The following ATRIP variants were observed in gnomAD, a reference collection of about 807,000 sequenced individuals.
The protein encoded by ATRIP is ATR interacting protein.
In ATRIP, 44 loss-of-function variants were observed where a neutral mutation model predicts 78.1. That is an observed-to-expected ratio of 0.56 (90% CI 0.44 to 0.72). The LOEUF is 0.72. Ranked by LOEUF, ATRIP falls within the 30% of genes least tolerant of loss-of-function variation. ATRIP has a pLI of 0.00. For missense variants in ATRIP, 927 were observed against 980.2 expected (o/e 0.95, Z 0.72); for synonymous variants, 388 against 408.9 (o/e 0.95, Z 0.62).
intron 2 of ATRIP, chr3:48,450,588 G>GTT: frequency 1.0e-6 from 1 of 990,834 alleles, no homozygotes; most frequent in East Asian, 6.3e-5. Flanking sequence ...ATGTGACCCA[G>GTT]ATTTTTTTTT....
At chr3:48,461,113 G>A (rs1248370710) in intron 8 of ATRIP, among the ~76,000 whole-genome samples, 1 of 152,232 alleles carries the variant, frequency 6.6e-6, no homozygotes, top group Non-Finnish European at 1.5e-5. Context: ...CTGAACCTGA[G>A]ATGTGGGTAA....
chr3:48,447,378 C>T lies in ATRIP; in HGVS notation c.247+286C>T, dbSNP rs2039706530. Reference sequence around the variant, plus strand: ...TTGGTTCTTGGTTCTAAGCAGAGATCCTTGGAACACACCTACCACCACCAT... The same window carrying T: ...TTGGTTCTTGGTTCTAAGCAGAGATTCTTGGAACACACCTACCACCACCAT... On this transcript the variant is annotated intron_variant, in intron 1 of 12. Coordinates refer to ENST00000320211, the MANE Select transcript of ATRIP (RefSeq NM_130384.3). 8.2e-6 allele frequency: 9 copies of T among 1,094,838 alleles called. No homozygotes were observed. The South Asian group carries it at 3.2e-4, about 39-fold the overall frequency. The allele number at this position is 1,094,838 out of a possible 1,614,324, so 67.8% of individuals were successfully genotyped here.
At chr3:48,451,137 C>T (rs1379261001) in intron 2 of ATRIP, among the ~76,000 whole-genome samples, 5 of 151,434 alleles carry the variant, frequency 3.3e-5, no homozygotes, top group Non-Finnish European at 5.9e-5. Context: ...TGCAGTGAGC[C>T]GAGATCGTGC....
Position 48,466,819 on chromosome 3 carries a change from CCA to C in ATRIP, c.*1268_*1269del, listed in dbSNP as rs759104641. ...CCCCCCACCTCTCAGGGGCCACCTC[CCA>C]CAGTTCCTCCACCACCGCGTGTGGT... On this transcript the variant is annotated 3_prime_UTR_variant, in exon 13 of 13. Coordinates refer to ENST00000320211, the MANE Select transcript of ATRIP (RefSeq NM_130384.3). 2 of 1,614,016 alleles carry C rather than the reference CCA, an allele frequency of 1.2e-6. No homozygotes were observed. The highest frequency in any genetic ancestry group is 1.7e-6 in the Non-Finnish European group (2 of 1,180,038).
chr3:48,460,506 C>G lies in ATRIP; in HGVS notation c.1452C>G (p.His484Gln), dbSNP rs1266306012. ...TGACTGCACTTAGCATTCTTCAGCACCTGGTGTGCCACAGCGGAGCAGTCG... is the reference window on the plus strand; with the variant it reads ...TGACTGCACTTAGCATTCTTCAGCAGCTGGTGTGCCACAGCGGAGCAGTCG... The part of the protein sequence containing the change: ...FSVTALSILQ[H>Q]LVCHSGAVVS... Residue 484 changes from histidine (H) to glutamine (Q), a missense_variant, in exon 8 of 13, where the codon CAC becomes CAG. Physicochemically the swap from His to Gln is conservative, Grantham distance 24. Coordinates refer to ENST00000320211, the MANE Select transcript of ATRIP (RefSeq NM_130384.3). 6.2e-7 allele frequency: 1 copy of G among 1,612,968 alleles called. No homozygotes were observed. Among genetic ancestry groups the G allele is most frequent in the Non-Finnish European group, 8.5e-7 (1 of 1,179,332 alleles).
In ATRIP at chr3:48,466,686, A is replaced by G. The variant is rs758675401; in HGVS notation, c.*1132A>G. On this transcript the variant is annotated 3_prime_UTR_variant, in exon 13 of 13. Coordinates refer to ENST00000320211, the MANE Select transcript of ATRIP (RefSeq NM_130384.3). ...CTCGCAGGCCCTGCCCCCGGGGCCCATGCAGACCCTCATCTTTTTCGACAT... is the reference window on the plus strand; with the variant it reads ...CTCGCAGGCCCTGCCCCCGGGGCCCGTGCAGACCCTCATCTTTTTCGACAT... The G allele has an allele frequency of 6.2e-7, 1 of 1,613,628 alleles. No homozygotes were observed. The highest frequency in any genetic ancestry group is 2.2e-5 in the East Asian group (1 of 44,826).
Position 48,467,437 on chromosome 3 carries a change from G to A in ATRIP, c.*1883G>A, listed in dbSNP as rs1225568750. Reference sequence around the variant, plus strand: ...CACCTGGCCACAACCAGGAACACTAGTCCCAGCCTTGGAGAGAGCAGGGGT... The same window carrying A: ...CACCTGGCCACAACCAGGAACACTAATCCCAGCCTTGGAGAGAGCAGGGGT... On this transcript the variant is annotated 3_prime_UTR_variant, in exon 13 of 13. Transcript: ENST00000320211. The A allele has an allele frequency of 2.5e-6, 4 of 1,614,048 alleles. No individual in the cohort carries two copies. Among genetic ancestry groups the A allele is most frequent in the Non-Finnish European group, 3.4e-6 (4 of 1,180,018 alleles).
chr3:48,461,659 G>A (rs939338207), intron 8 of ATRIP, among the ~76,000 whole-genome samples: 1 of 152,100 alleles, frequency 6.6e-6, no homozygotes, highest in Non-Finnish European at 1.5e-5. Context: ...CCCAGCAGGG[G>A]CCCAGCTCAT....
At chr3:48,452,306 A>G (rs1335592775) in intron 3 of ATRIP, among the ~76,000 whole-genome samples, 2 of 152,170 alleles carry the variant, frequency 1.3e-5, no homozygotes, top group Non-Finnish European at 2.9e-5. Context: ...TTTATTCTCT[A>G]TGCTATAAAC....
rs768210226 is a variant in ATRIP, at chr3:48,460,585, A to G, written c.1531A>G (p.Arg511Gly). ...GADSAAGEGN[R>G]SLVHRLSDGD... is the part of the protein sequence containing the mutation. ...AGATTCTGCTGCTGGGGAAGGAAAC[A>G]GGAGCCTGGTTCACAGGCTTAGTGA... Residue 511 changes from arginine (R) to glycine (G), a missense_variant, in exon 8 of 13, where the codon AGG becomes GGG. Coordinates refer to ENST00000320211, the MANE Select transcript of ATRIP (RefSeq NM_130384.3). 5 of 1,614,180 alleles carry G rather than the reference A, an allele frequency of 3.1e-6. No homozygotes were observed. In the South Asian group the frequency reaches 5.5e-5, roughly 18 times the overall value.
chr3:48,461,329 T>G (rs2040104535), intron 8 of ATRIP: 1 of 152,438 alleles, frequency 6.6e-6, no homozygotes. Flanking sequence ...GAATGAACAC[T>G]GTGATCATAA....
intron 3 of ATRIP, among the ~76,000 whole-genome samples, chr3:48,452,918 T>A (rs2039870599): frequency 6.8e-6 from 1 of 147,594 alleles, no homozygotes; most frequent in Non-Finnish European, 1.5e-5. Context: ...AGGGTTTCAC[T>A]CTCTTGCCCA....
Position 48,467,333 on chromosome 3 carries a change from C to G in ATRIP, c.*1779C>G, listed in dbSNP as rs139228069. On this transcript the variant is annotated 3_prime_UTR_variant, in exon 13 of 13. Coordinates refer to ENST00000320211, the MANE Select transcript of ATRIP (RefSeq NM_130384.3). Reference sequence around the variant, plus strand: ...GGGTGGATGCTCACGCCAGGCCTTTCGGCACCATCAGGCCCATGTATGGGG... The same window carrying G: ...GGGTGGATGCTCACGCCAGGCCTTTGGGCACCATCAGGCCCATGTATGGGG... 14 of 1,614,162 alleles carry G rather than the reference C, an allele frequency of 8.7e-6. No individual in the cohort carries two copies. In the African/African-American group the frequency reaches 1.7e-4, roughly 20 times the overall value.
chr3:48,454,438 G>A lies in ATRIP; in HGVS notation c.671+20G>A. 6.4e-7 allele frequency: 1 copy of A among 1,565,884 alleles called. No homozygotes were observed. On this transcript the variant is annotated intron_variant, in intron 4 of 12. Coordinates refer to ENST00000320211, the MANE Select transcript of ATRIP (RefSeq NM_130384.3). ...TGTCAGGTAATGATGGTGCTGGAGG[G>A]ATAGTTCAGTTTTGCATTATTTAGT...
intron 8 of ATRIP, among the ~76,000 whole-genome samples, chr3:48,461,205 C>T (rs761434646): frequency 5.3e-5 from 8 of 152,184 alleles, no homozygotes; most frequent in Non-Finnish European, 7.4e-5. Context: ...GTCTGCAGCC[C>T]ACGGGCTGAC....
At chr3:48,463,065 C>T (rs2040164230) in intron 8 of ATRIP, among the ~76,000 whole-genome samples, 1 of 152,220 alleles carries the variant, frequency 6.6e-6, no homozygotes, top group South Asian at 2.1e-4. Context: ...TAGAGTGTTT[C>T]AGAATTGCCC....
At chr3:48,463,403 T>G (rs148288792) in intron 8 of ATRIP, among the ~76,000 whole-genome samples, 1 of 152,072 alleles carries the variant, frequency 6.6e-6, no homozygotes, top group East Asian at 1.9e-4. Flanking sequence ...AACATTTCTC[T>G]CCCACCTAAG....
intron 4 of ATRIP, among the ~76,000 whole-genome samples, chr3:48,455,141 G>C (rs2039925245): frequency 6.6e-6 from 1 of 152,204 alleles, no homozygotes; most frequent in African/African-American, 2.4e-5. Flanking sequence ...GGGATTACAA[G>C]CATGAGCCAC....
chr3:48,466,230 A>T lies in ATRIP; in HGVS notation c.*676A>T. On this transcript the variant is annotated 3_prime_UTR_variant, in exon 13 of 13. Coordinates refer to ENST00000320211, the MANE Select transcript of ATRIP (RefSeq NM_130384.3). Reference sequence around the variant, plus strand: ...TGTAGGCGGGCCCACGCCAAGTTTCACTTCCCGCCACTGCTGCCAGCGAGA... The same window carrying T: ...TGTAGGCGGGCCCACGCCAAGTTTCTCTTCCCGCCACTGCTGCCAGCGAGA... 1 of 586,594 alleles carries T rather than the reference A, an allele frequency of 1.7e-6. No individual in the cohort carries two copies. 36.3% of individuals were successfully genotyped at this position (586,594 alleles called of 1,614,324 possible).
Sources: gnomAD v4.1 joint callset for allele counts (sites outside exome capture counted in the v4.1 genomes callset) on GRCh38, gnomAD v4.1.1 for gene constraint, MANE v1.5 for transcripts, NCBI Gene and HGNC (gene_info 2026-07-23, HGNC 2026-07-21) for gene names.